The following DST variants were observed in gnomAD, a reference collection of about 807,000 sequenced individuals.
DST encodes bullous pemphigoid antigen.
Under a neutral mutation model 875.2 loss-of-function variants are expected in DST, and 253 were observed. The observed-to-expected ratio is 0.29, with a 90% CI of 0.26 to 0.32. The LOEUF is 0.32. Among genes scored for constraint, DST ranks in the 10% least tolerant of loss-of-function variants. The probability of loss-of-function intolerance (pLI) is 1.00; values close to 1 mark genes in which losing one functional copy is unlikely to be tolerated. For missense variants in DST, 8,287 were observed against 9,111.6 expected, an observed-to-expected ratio of 0.91 and a Z score of 3.68; for synonymous variants, 3,124 against 3,197.1, an observed-to-expected ratio of 0.98 and a Z score of 0.77.
intron 9 of DST, among the ~76,000 whole-genome samples, chr6:56,679,066 T>C (rs1196514436): frequency 2.6e-5 from 4 of 152,190 alleles, no homozygotes; most frequent in African/African-American, 9.7e-5. Context: ...CTGTCTTTTG[T>C]TGTAGGCATC....
chr6:56,665,410 G>A (rs1025143137), intron 10 of DST, among the ~76,000 whole-genome samples: 5 of 151,852 alleles, frequency 3.3e-5, no homozygotes, highest in African/African-American at 4.8e-5. Flanking sequence ...TAAGTTCATC[G>A]ATAATTTTCA....
chr6:56,842,957 A>T, intron 4 of DST: 1 of 1,151,340 alleles, frequency 8.7e-7, no homozygotes, highest in South Asian at 3.7e-5. Context: ...ACACCTGTTT[A>T]CTCGTGCCCA....
chr6:56,469,796 A>T lies in DST; in HGVS notation c.22551+87T>A, dbSNP rs9349823. Reference sequence around the variant, plus strand: ...TGAGGTAAAAAAGTAAATAAATAAGACTCCTGGAAAACAATGGAGATCAAA... The same window carrying T: ...TGAGGTAAAAAAGTAAATAAATAAGTCTCCTGGAAAACAATGGAGATCAAA... On this transcript the variant is annotated intron_variant, in intron 97 of 103. Coordinates refer to ENST00000680361, the MANE Select transcript of DST (RefSeq NM_001374736.1). The T allele has an allele frequency of 0.27, 306,006 of 1,137,648 alleles. 44,200 individuals are homozygous for T. Among genetic ancestry groups the T allele is most frequent in the African/African-American group, 0.45 (29,015 of 64,986 alleles). The allele number at this position is 1,137,648 out of a possible 1,614,324, so 70.5% of individuals were successfully genotyped here. A position where few individuals can be genotyped will look rare whatever the true frequency, so the allele number is the denominator to read the frequency against.
intron 9 of DST, among the ~76,000 whole-genome samples, chr6:56,688,575 C>T (rs2099204278): frequency 6.6e-6 from 1 of 152,150 alleles, no homozygotes; most frequent in Admixed American, 6.5e-5. Flanking sequence ...GGCTTCTTTA[C>T]TTTAGGCCAC....
Position 56,578,859 on chromosome 6 carries a change from T to A in DST, c.12982A>T (p.Arg4328Trp). Residue 4328 changes from arginine (R) to tryptophan (W), a missense_variant, in exon 50 of 104, where the codon AGG (arginine) becomes TGG (tryptophan). This residue lies in a region of DST where 1,513 missense variants were observed against 1,677.8 expected (regional missense o/e 0.90). Transcript: ENST00000680361. ...TTCTTGGCTGGAAGTAAAGATCCCC[T>A]GGCATCTAAAAGCACTTCAGCCGTT... is the stretch of plus-strand genomic sequence containing the variant. ...KKTAEVLLDA[R>W]GSLLPAKNDI... 6.2e-7 allele frequency: 1 copy of A among 1,611,410 alleles called. No individual in the cohort carries two copies.
At chr6:56,509,274 A>G (rs1239415802) in intron 74 of DST, among the ~76,000 whole-genome samples, 1 of 152,098 alleles carries the variant, frequency 6.6e-6, no homozygotes, top group African/African-American at 2.4e-5. Flanking sequence ...TTTTGTGGCT[A>G]TGTGATGCAG....
In DST at chr6:56,486,391, T is replaced by C. The variant is rs539869273; in HGVS notation, c.21047+713A>G. On this transcript the variant is annotated intron_variant, in intron 87 of 103. Coordinates refer to ENST00000680361, the MANE Select transcript of DST (RefSeq NM_001374736.1). The stretch of plus-strand genomic sequence containing the variant: ...AAAAAAAAAAAAAAAAAAAAAAGGA[T>C]TTTTTCAAAACTAACATGACAAAAA... Among the ~76,000 whole-genome samples the C allele has an allele frequency of 2.6e-4, 35 of 135,946 alleles. 1 individual carries two copies. The South Asian group carries it at 7.4e-3, about 29-fold the overall frequency. The allele number at this position is 135,946 out of a possible 152,430, so 89.2% of individuals were successfully genotyped here.
At chr6:56,524,875 ATTCT>A (rs1314826664) in intron 69 of DST, among the ~76,000 whole-genome samples, 9 of 151,934 alleles carry the variant, frequency 5.9e-5, no homozygotes, top group African/African-American at 2.2e-4. Flanking sequence ...ATTTTTCTAT[ATTCT>A]TTGAGAAAAT....
At chr6:56,588,127 C>T (rs925990719) in intron 49 of DST, among the ~76,000 whole-genome samples, 13 of 152,172 alleles carry the variant, frequency 8.5e-5, no homozygotes, top group African/African-American at 2.9e-4. Flanking sequence ...AACACAAGAA[C>T]AGCCAAATAA....
At chr6:56,841,761 C>T (rs994924087) in intron 4 of DST, among the ~76,000 whole-genome samples, 2 of 152,164 alleles carry the variant, frequency 1.3e-5, no homozygotes, top group East Asian at 1.9e-4. Context: ...CTTTTCAAAG[C>T]TCTGGAAACA....
At chr6:56,626,180 A>T (rs988852637) in intron 34 of DST, among the ~76,000 whole-genome samples, 1 of 151,992 alleles carries the variant, frequency 6.6e-6, no homozygotes, top group African/African-American at 2.4e-5. Flanking sequence ...TATTGAAGAA[A>T]TTTTTTTATA....
Position 56,532,356 on chromosome 6 carries a change from T to G in DST, c.17096A>C (p.Lys5699Thr). The G allele has an allele frequency of 6.2e-7, 1 of 1,613,518 alleles. No individual in the cohort carries two copies. The highest frequency in any genetic ancestry group is 8.5e-7 in the Non-Finnish European group (1 of 1,179,628). The change falls in exon 64 of 104, where the codon AAA becomes ACA. Residue 5699 changes from lysine to threonine, a missense_variant. By Grantham distance (78) the Lys-to-Thr change is moderately conservative. Transcript: ENST00000680361. ...GTATATAAGTTACCTTGTTTCAGCT[T>G]TATTAAGCAATGCCTCCCATCTGCT... is the stretch of plus-strand genomic sequence containing the variant. ...LDSRWEALLN[K>T]AETRNRQLEG... is the part of the protein sequence containing the mutation.
At position 56,607,629 on chromosome 6, in the gene DST, G is replaced by A; in HGVS notation, c.6999C>T (p.Asn2333=). ...ASTISIDPKV[N]SSPSVCVPSL... ...TGGGAACACACACACTGGGTGAACTGTTAACTTTAGGATCAATTGATATTG... is the reference window on the plus strand; with the variant it reads ...TGGGAACACACACACTGGGTGAACTATTAACTTTAGGATCAATTGATATTG... Residue 2333 remains asparagine (N), a synonymous_variant, in exon 40 of 104, where the codon AAC becomes AAT. Coordinates refer to ENST00000680361, the MANE Select transcript of DST (RefSeq NM_001374736.1). 9 of 1,613,376 alleles carry A rather than the reference G, an allele frequency of 5.6e-6. No homozygotes were observed. The highest frequency in any genetic ancestry group is 6.8e-6 in the Non-Finnish European group (8 of 1,179,622).
At chr6:56,712,874 C>T (rs2099381026) in intron 5 of DST, among the ~76,000 whole-genome samples, 1 of 152,266 alleles carries the variant, frequency 6.6e-6, no homozygotes, top group African/African-American at 2.4e-5. Context: ...CAAATCCTCC[C>T]AGCTAATGAC....
chr6:56,919,148 C>G (rs529488537), intron 2 of DST, among the ~76,000 whole-genome samples: 47 of 152,024 alleles, frequency 3.1e-4, no homozygotes, highest in Non-Finnish European at 4.7e-4. Context: ...AGTATTTTTG[C>G]CTAGGTTGCA....
intron 4 of DST, chr6:56,742,312 T>C (rs1420441789): frequency 7.8e-7 from 1 of 1,289,666 alleles, no homozygotes; most frequent in Non-Finnish European, 1.0e-6. Flanking sequence ...GTTCCAATCT[T>C]GATCATTTTT....
intron 36 of DST, chr6:56,615,470 T>C: frequency 1.2e-6 from 2 of 1,612,764 alleles, no homozygotes; most frequent in Non-Finnish European, 1.7e-6. Flanking sequence ...AAAAGTGGCA[T>C]GAACCAGCCT....
intron 9 of DST, among the ~76,000 whole-genome samples, chr6:56,681,185 A>T (rs1379420300): frequency 6.6e-6 from 1 of 152,132 alleles, no homozygotes; most frequent in African/African-American, 2.4e-5. Context: ...CCTAGCTCAG[A>T]GAATGGCCCC....
chr6:56,551,293 CTTAGT>C (rs200618239), intron 61 of DST, among the ~76,000 whole-genome samples: 3,877 of 152,210 alleles, frequency 0.025, 75 homozygotes, highest in Non-Finnish European at 0.043. Flanking sequence ...TTTATTTGGT[CTTAGT>C]TTATTCTTTA....
Sources: allele counts gnomAD v4.1 joint callset (sites outside exome capture counted in the v4.1 genomes callset), GRCh38; gene constraint gnomAD v4.1.1; regional missense constraint gnomAD v4.1.1; transcripts MANE v1.5; gene names NCBI Gene and HGNC (gene_info 2026-07-23, HGNC 2026-07-21).